LAMA2: variants seen among roughly 807,000 people sequenced by gnomAD.
The protein encoded by LAMA2 is laminin subunit alpha 2.
In LAMA2, 269 loss-of-function variants were observed where a neutral mutation model predicts 364.8. The observed-to-expected ratio is 0.74, with a 90% CI of 0.67 to 0.82. The LOEUF is 0.82. Ranked by LOEUF, LAMA2 falls within the 40% of genes least tolerant of loss-of-function variation. LAMA2 has a pLI of 0.00. For missense variants in LAMA2, 3,807 were observed against 3,873.2 expected (o/e 0.98, Z 0.45); for synonymous variants, 1,379 against 1,370.6 (o/e 1.01, Z -0.14).
intron 37 of LAMA2, among the ~76,000 whole-genome samples, chr6:129,400,900 A>G (rs1779931125): frequency 6.6e-6 from 1 of 152,254 alleles, no homozygotes; most frequent in African/African-American, 2.4e-5. Context: ...CAATATAACT[A>G]TTCAGCACTT....
chr6:128,955,938 G>A (rs1312264250), intron 1 of LAMA2, among the ~76,000 whole-genome samples: 3 of 151,808 alleles, frequency 2.0e-5, no homozygotes, highest in Non-Finnish European at 4.4e-5. Flanking sequence ...AAAACATTCA[G>A]TAAAAAATGT....
intron 40 of LAMA2, among the ~76,000 whole-genome samples, chr6:129,409,191 T>A (rs1362909079): frequency 6.6e-6 from 1 of 152,234 alleles, no homozygotes; most frequent in Non-Finnish European, 1.5e-5. Flanking sequence ...TTCAGGGATG[T>A]CCTAGAAAGG....
chr6:129,098,564 G>GA (rs1775324532), intron 4 of LAMA2, 149 bp downstream of exon 4: 1 of 901,350 alleles, frequency 1.1e-6, no homozygotes, highest in Non-Finnish European at 1.7e-6. Context: ...AAATAAAAAA[G>GA]AAAAACCTGA....
intron 10 of LAMA2, among the ~76,000 whole-genome samples, chr6:129,184,812 T>C (rs1781135123): frequency 6.6e-6 from 1 of 151,926 alleles, no homozygotes; most frequent in Non-Finnish European, 1.5e-5. Flanking sequence ...TTCATCGTTT[T>C]AACTACTGTC....
intron 53 of LAMA2, among the ~76,000 whole-genome samples, chr6:129,475,644 T>C (rs147945759): frequency 5.8e-4 from 88 of 152,146 alleles, no homozygotes; most frequent in Middle Eastern, 3.4e-3. Context: ...TGATGAGATT[T>C]GCTCTGCTCA....
At chr6:129,400,858 G>T (rs1779927720) in intron 37 of LAMA2, among the ~76,000 whole-genome samples, 2 of 152,172 alleles carry the variant, frequency 1.3e-5, no homozygotes, top group African/African-American at 4.8e-5. Context: ...GTACTCATTT[G>T]TATATAGATT....
chr6:129,346,519 A>C (rs1361773920), intron 30 of LAMA2, among the ~76,000 whole-genome samples: 1 of 152,024 alleles, frequency 6.6e-6, no homozygotes, highest in Non-Finnish European at 1.5e-5. Context: ...TCCCAACACT[A>C]TGAATAAAAG....
At chr6:128,931,034 C>CAA (rs543445373) in intron 1 of LAMA2, among the ~76,000 whole-genome samples, 111 of 148,214 alleles carry the variant, frequency 7.5e-4, no homozygotes, top group African/African-American at 2.7e-3. Context: ...TGGATCTCTG[C>CAA]AAAAAAAAAG....
At chr6:129,288,096 T>C (rs760540230) in intron 19 of LAMA2, 38 bp downstream of exon 19, 2 of 1,541,130 alleles carry the variant, frequency 1.3e-6, no homozygotes, top group Non-Finnish European at 1.8e-6. Context: ...ACAGAATTGA[T>C]GTATTGTACC....
rs564773960 is a variant in LAMA2, at chr6:129,057,653, A to G, written c.284-2131A>G. On this transcript the variant is annotated intron_variant, in intron 2 of 64. Transcript: ENST00000421865. ...GTTATTCCTAGATCAGAGATGACAC[A>G]TAATGTTGAATGATTTGTCTGTGGT... 6.6e-5 allele frequency among the ~76,000 whole-genome samples: 10 copies of G among 152,318 alleles called. No individual in the cohort carries two copies. In the South Asian group the frequency reaches 2.1e-3, roughly 32 times the overall value.
intron 10 of LAMA2, among the ~76,000 whole-genome samples, chr6:129,181,078 T>C (rs1005206854): frequency 6.6e-6 from 1 of 152,088 alleles, no homozygotes; most frequent in Non-Finnish European, 1.5e-5. Flanking sequence ...TGGGTAAAAG[T>C]TACTACCTTG....
At position 129,148,993 on chromosome 6, in the gene LAMA2, G is replaced by T; in HGVS notation, c.924G>T (p.Glu308Asp). 1 of 1,612,692 alleles carries T rather than the reference G, an allele frequency of 6.2e-7. No individual in the cohort carries two copies. The highest frequency in any genetic ancestry group is 8.5e-7 in the Non-Finnish European group (1 of 1,178,788). ...TTTTTGACTAGAAATCTCGCTGTGA[G>T]TGTGAGCATAACACATGTGGCGATA... Reference protein sequence around the residue: ...LDPATNKSRCECEHNTCGDSC... With the variant: ...LDPATNKSRCDCEHNTCGDSC... The change falls in exon 7 of 65, where the codon GAG becomes GAT. Residue 308 changes from glutamate (E) to aspartate (D), a missense_variant. Glu to Asp is a conservative substitution (Grantham distance 45). Transcript: ENST00000421865.
chr6:129,291,685 G>A lies in LAMA2; in HGVS notation c.2821G>A (p.Ala941Thr), dbSNP rs1789711696. The A allele has an allele frequency of 6.2e-7, 1 of 1,613,908 alleles. No individual in the cohort carries two copies. Reference sequence around the variant, plus strand: ...TCAAACTGGACAGTGTGAGTGCAGAGCCAACGTTCAGGGTCAGAGATGTGA... The same window carrying A: ...TCAAACTGGACAGTGTGAGTGCAGAACCAACGTTCAGGGTCAGAGATGTGA... ...HSQTGQCECR[A>T]NVQGQRCDKC... The change falls in exon 20 of 65, where the codon GCC becomes ACC. Residue 941 changes from alanine to threonine, a missense_variant. By Grantham distance (58) the Ala-to-Thr change is moderately conservative. Transcript: ENST00000421865.
chr6:129,388,864 C>G (rs1275280761), intron 35 of LAMA2, among the ~76,000 whole-genome samples: 1 of 152,106 alleles, frequency 6.6e-6, no homozygotes, highest in South Asian at 2.1e-4. Context: ...TGCACTCAGA[C>G]TAAAGGATGA....
At chr6:129,057,827 C>T (rs1167983211) in intron 2 of LAMA2, among the ~76,000 whole-genome samples, 1 of 152,164 alleles carries the variant, frequency 6.6e-6, no homozygotes, top group Non-Finnish European at 1.5e-5. Context: ...GTTTGTTCCT[C>T]ATAGCAATGT....
chr6:128,928,343 G>A (rs1304853849), intron 1 of LAMA2, among the ~76,000 whole-genome samples: 4 of 152,114 alleles, frequency 2.6e-5, no homozygotes, highest in African/African-American at 9.7e-5. Context: ...GGGTATGCTG[G>A]TTTAGTATCT....
chr6:129,077,641 A>T (rs1313235112), intron 3 of LAMA2, among the ~76,000 whole-genome samples: 1 of 152,228 alleles, frequency 6.6e-6, no homozygotes. Context: ...AATATGTATT[A>T]CAGAGAACCC....
intron 4 of LAMA2, among the ~76,000 whole-genome samples, chr6:129,099,407 C>G (rs1167048232): frequency 6.6e-6 from 1 of 151,770 alleles, no homozygotes; most frequent in Non-Finnish European, 1.5e-5. Context: ...TCTCAAATAC[C>G]CAAACTTTGA....
intron 35 of LAMA2, among the ~76,000 whole-genome samples, chr6:129,383,808 C>T (rs936389101): frequency 3.3e-5 from 5 of 152,242 alleles, no homozygotes; most frequent in Admixed American, 3.3e-4. Flanking sequence ...AATTAAGAAA[C>T]TTAAAGAATA....
Sources: allele counts gnomAD v4.1 joint callset (sites outside exome capture counted in the v4.1 genomes callset), GRCh38; gene constraint gnomAD v4.1.1; transcripts MANE v1.5; gene names NCBI Gene and HGNC (gene_info 2026-07-23, HGNC 2026-07-21).